NMNAT3: variants seen among roughly 807,000 people sequenced by gnomAD.
NMNAT3 encodes the protein nicotinamide nucleotide adenylyltransferase 3.
Under a neutral mutation model 24.8 loss-of-function variants are expected in NMNAT3, and 21 were observed. That is an observed-to-expected ratio of 0.85 (90% CI 0.60 to 1.22). NMNAT3 has a LOEUF of 1.22. NMNAT3 is among the 50% of genes most tolerant of loss of function. NMNAT3 has a pLI of 0.00. For missense variants in NMNAT3, 387 were observed against 436.6 expected (o/e 0.89, Z 1.01); for synonymous variants, 136 against 155.2 (o/e 0.88, Z 0.92).
chr3:139,627,689 A>G lies in NMNAT3; in HGVS notation c.36T>C (p.Cys12=). The G allele has an allele frequency of 6.3e-7, 1 of 1,596,612 alleles. No individual in the cohort carries two copies. The highest frequency in any genetic ancestry group is 2.2e-5 in the East Asian group (1 of 44,782). The change falls in exon 3 of 7, where the codon TGT becomes TGC. Residue 12 remains cysteine, a synonymous_variant. Coordinates refer to ENST00000643695, the MANE Select transcript of NMNAT3 (RefSeq NM_001320510.2). ...TGTTGGTGATGGGGTTAAAGGAGCC[A>G]CAGGCCAGGAGCACCACAGGTATTC...
chr3:139,639,081 C>T (rs72975806), intron 1 of NMNAT3, among the ~76,000 whole-genome samples: 1,974 of 152,310 alleles, frequency 0.013, 45 homozygotes, highest in African/African-American at 0.045. Context: ...TTCTCCTCTG[C>T]CTTCCACATC....
At chr3:139,669,889 T>G (rs2057703774) in intron 1 of NMNAT3, among the ~76,000 whole-genome samples, 1 of 152,172 alleles carries the variant, frequency 6.6e-6, no homozygotes, top group Non-Finnish European at 1.5e-5. Context: ...GAAAAAACAT[T>G]GCCATAATAA....
chr3:139,651,760 C>T (rs934268935), intron 1 of NMNAT3, among the ~76,000 whole-genome samples: 1 of 152,104 alleles, frequency 6.6e-6, no homozygotes, highest in Non-Finnish European at 1.5e-5. Context: ...GCAAAATGGC[C>T]TCCTTAATTA....
intron 1 of NMNAT3, among the ~76,000 whole-genome samples, chr3:139,656,465 C>CTTTTATAT (rs2057247174): frequency 6.6e-6 from 1 of 152,140 alleles, no homozygotes; most frequent in South Asian, 2.1e-4. Flanking sequence ...ATATACTCTG[C>CTTTTATAT]TCTCACGGAA....
chr3:139,572,847 G>A (rs1282379512), intron 6 of NMNAT3, among the ~76,000 whole-genome samples: 2 of 152,198 alleles, frequency 1.3e-5, no homozygotes, highest in Non-Finnish European at 2.9e-5. Context: ...CATTAGGTGT[G>A]CTAAACCCCA....
At chr3:139,665,547 C>T (rs982155346) in intron 1 of NMNAT3, among the ~76,000 whole-genome samples, 1 of 152,148 alleles carries the variant, frequency 6.6e-6, no homozygotes, top group Admixed American at 6.5e-5. Flanking sequence ...GATGACCATG[C>T]TGGCTTGAGC....
intron 3 of NMNAT3, among the ~76,000 whole-genome samples, chr3:139,623,657 C>T (rs2055905614): frequency 6.6e-6 from 1 of 152,140 alleles, no homozygotes; most frequent in Admixed American, 6.5e-5. Flanking sequence ...AATCTCAGCT[C>T]ACTGCAACCT....
chr3:139,607,326 A>G, intron 3 of NMNAT3, among the ~76,000 whole-genome samples: 1 of 152,144 alleles, frequency 6.6e-6, no homozygotes, highest in Non-Finnish European at 1.5e-5. Flanking sequence ...TCCTTTATTC[A>G]TAATTCCTTT....
At chr3:139,622,103 G>A (rs1206084280) in intron 3 of NMNAT3, among the ~76,000 whole-genome samples, 1 of 152,118 alleles carries the variant, frequency 6.6e-6, no homozygotes, top group Non-Finnish European at 1.5e-5. Flanking sequence ...ATACCTTGTA[G>A]TGGGATTGCT....
At chr3:139,607,170 G>A (rs1280201370) in intron 3 of NMNAT3, among the ~76,000 whole-genome samples, 1 of 151,602 alleles carries the variant, frequency 6.6e-6, no homozygotes. Flanking sequence ...AATTATATCT[G>A]CAACTATCTA....
At chr3:139,670,727 A>T (rs1161594491) in intron 1 of NMNAT3, among the ~76,000 whole-genome samples, 1 of 152,220 alleles carries the variant, frequency 6.6e-6, no homozygotes, top group Non-Finnish European at 1.5e-5. Context: ...AGAATGATAC[A>T]GGGCTACCCT....
chr3:139,628,317 A>G (rs2056145521), intron 2 of NMNAT3, among the ~76,000 whole-genome samples: 1 of 152,120 alleles, frequency 6.6e-6, no homozygotes, highest in Non-Finnish European at 1.5e-5. Flanking sequence ...ATTTTACCAC[A>G]CTTGCTTTAT....
intron 6 of NMNAT3, among the ~76,000 whole-genome samples, chr3:139,565,045 G>T (rs1388123829): frequency 6.6e-6 from 1 of 152,102 alleles, no homozygotes; most frequent in Non-Finnish European, 1.5e-5. Context: ...ATGCAGTATT[G>T]TATCCTGATT....
chr3:139,585,431 T>G (rs1452248705), intron 3 of NMNAT3, among the ~76,000 whole-genome samples: 1 of 152,246 alleles, frequency 6.6e-6, no homozygotes, highest in Non-Finnish European at 1.5e-5. Context: ...ATCTGTATCA[T>G]ACAATGCCAG....
At chr3:139,643,604 T>A (rs537277399) in intron 1 of NMNAT3, among the ~76,000 whole-genome samples, 35 of 152,268 alleles carry the variant, frequency 2.3e-4, no homozygotes, top group African/African-American at 6.0e-4. Flanking sequence ...CTTAAGGACA[T>A]CATGCTAAGT....
intron 3 of NMNAT3, among the ~76,000 whole-genome samples, chr3:139,603,372 A>G (rs937229222): frequency 1.3e-5 from 2 of 152,198 alleles, no homozygotes; most frequent in South Asian, 2.1e-4. Flanking sequence ...TGCTTTGCCC[A>G]TGTTACCCAG....
rs543337920 is a variant in NMNAT3, at chr3:139,596,015, T to G, written c.110-12807A>C. Among the ~76,000 whole-genome samples the G allele has an allele frequency of 2.6e-5, 4 of 152,298 alleles. No individual in the cohort carries two copies. The South Asian group carries it at 8.3e-4, about 32-fold the overall frequency. ...ACAGCAAAAGAAACTACCATCAGAC[T>G]GAACAGGCAACCTACAAAATTTTAT... On this transcript the variant is annotated intron_variant, in intron 3 of 6. Coordinates refer to ENST00000643695, the MANE Select transcript of NMNAT3 (RefSeq NM_001320510.2).
chr3:139,605,887 A>C (rs1443627823), intron 3 of NMNAT3, among the ~76,000 whole-genome samples: 3 of 146,314 alleles, frequency 2.1e-5, no homozygotes, highest in African/African-American at 5.1e-5. Flanking sequence ...TGCACATATA[A>C]CATTACTATT....
At chr3:139,613,825 G>T (rs2055347725) in intron 3 of NMNAT3, among the ~76,000 whole-genome samples, 1 of 152,122 alleles carries the variant, frequency 6.6e-6, no homozygotes, top group African/African-American at 2.4e-5. Context: ...ATGAGTTCAT[G>T]TCCTTTGTAG....
Sources: allele counts gnomAD v4.1 joint callset (sites outside exome capture counted in the v4.1 genomes callset), GRCh38; gene constraint gnomAD v4.1.1; transcripts MANE v1.5; gene names NCBI Gene and HGNC (gene_info 2026-07-23, HGNC 2026-07-21).